KCNN2: variants seen among roughly 807,000 people sequenced by gnomAD.
KCNN2 encodes potassium calcium-activated channel subfamily N member 2.
In KCNN2, 24 loss-of-function variants were observed where a neutral mutation model predicts 55.5. The ratio of observed to expected loss-of-function variants is 0.43; its 90% confidence interval spans 0.31 to 0.61. The LOEUF (loss-of-function observed/expected upper bound fraction) is 0.61, where lower values mean the gene tolerates loss of function less well. Ranked by LOEUF, KCNN2 falls within the 20% of genes least tolerant of loss-of-function variation. The pLI, the probability that KCNN2 is intolerant of heterozygous loss-of-function variation, is 0.08. For missense variants in KCNN2, 754 were observed against 853.6 expected (o/e 0.88, Z 1.45); for synonymous variants, 431 against 336.1 (o/e 1.28, Z -3.09).
chr5:114,184,252 G>T (rs1480489101), intron 1 of KCNN2, among the ~76,000 whole-genome samples: 3 of 152,182 alleles, frequency 2.0e-5, no homozygotes, highest in Admixed American at 1.3e-4. Context: ...GATTAGGACT[G>T]CCCTACAGCA....
intron 1 of KCNN2, among the ~76,000 whole-genome samples, chr5:114,212,574 A>G (rs553406734): frequency 6.6e-6 from 1 of 152,094 alleles, no homozygotes; most frequent in South Asian, 2.1e-4. Flanking sequence ...AAAAGAAAAT[A>G]TGAATCACAT....
chr5:114,146,357 G>A (rs547950382), intron 1 of KCNN2, among the ~76,000 whole-genome samples: 1 of 152,098 alleles, frequency 6.6e-6, no homozygotes, highest in East Asian at 1.9e-4. Flanking sequence ...TTGGCTTTGT[G>A]GGTTATAAGG....
intron 1 of KCNN2, among the ~76,000 whole-genome samples, chr5:114,137,197 C>T (rs1488776013): frequency 6.6e-6 from 1 of 152,020 alleles, no homozygotes; most frequent in African/African-American, 2.4e-5. Context: ...TCATGAAGTC[C>T]CCTTGTTTTA....
At chr5:114,207,632 G>A (rs1300393296) in intron 1 of KCNN2, among the ~76,000 whole-genome samples, 2 of 151,940 alleles carry the variant, frequency 1.3e-5, no homozygotes, top group African/African-American at 4.8e-5. Context: ...TTTTTTTCTT[G>A]TCCTTGAAAG....
At chr5:114,354,940 G>C (rs1338639734) in intron 2 of KCNN2, among the ~76,000 whole-genome samples, 1 of 152,096 alleles carries the variant, frequency 6.6e-6, no homozygotes, top group African/African-American at 2.4e-5. Context: ...CAGTAATCCA[G>C]AATTAAACTC....
intron 1 of KCNN2, among the ~76,000 whole-genome samples, chr5:114,142,553 C>T (rs1044091391): frequency 6.6e-6 from 1 of 152,158 alleles, no homozygotes. Flanking sequence ...GCAAAGATCA[C>T]AGGCATTCTT....
intron 5 of KCNN2, among the ~76,000 whole-genome samples, chr5:114,484,591 T>G (rs1762368938): frequency 6.6e-6 from 1 of 152,206 alleles, no homozygotes; most frequent in Non-Finnish European, 1.5e-5. Flanking sequence ...TTTGACCCTG[T>G]CTTCTCACTG....
At chr5:114,278,431 T>C (rs145377995) in intron 2 of KCNN2, among the ~76,000 whole-genome samples, 241 of 152,350 alleles carry the variant, frequency 1.6e-3, no homozygotes, top group African/African-American at 5.2e-3. Flanking sequence ...TGCTGTCTTT[T>C]GTTCAGATAT....
intron 2 of KCNN2, among the ~76,000 whole-genome samples, chr5:114,397,967 T>C (rs1758670023): frequency 1.3e-5 from 2 of 152,168 alleles, no homozygotes; most frequent in Non-Finnish European, 2.9e-5. Context: ...GTTTTCTTTC[T>C]TTTTATAGGT....
chr5:114,187,885 G>C (rs1342408636), intron 1 of KCNN2, among the ~76,000 whole-genome samples: 1 of 151,070 alleles, frequency 6.6e-6, no homozygotes, highest in Non-Finnish European at 1.5e-5. Context: ...CGCAATCTCG[G>C]CTCACTGCAA....
chr5:114,340,326 T>A (rs1196400574), intron 2 of KCNN2, among the ~76,000 whole-genome samples: 1 of 152,200 alleles, frequency 6.6e-6, no homozygotes, highest in East Asian at 1.9e-4. Context: ...CAATGTATTG[T>A]ACAAATATTT....
rs1019308392 is a variant in KCNN2, at chr5:114,490,946, G to A, written c.2019-2457G>A. ...GTTACCTTTTATTCTGGCAGCTGCA[G>A]CTTAAGCAGGCTTTTTCTATCAGCT... On this transcript the variant is annotated intron_variant, in intron 6 of 7. Coordinates refer to ENST00000673685, the MANE Select transcript of KCNN2 (RefSeq NM_021614.4). Among the ~76,000 whole-genome samples, 3 of 152,124 alleles carry A rather than the reference G, an allele frequency of 2.0e-5. No individual in the cohort carries two copies. In the South Asian group the frequency reaches 6.2e-4, roughly 32 times the overall value.
At chr5:114,202,837 T>C (rs1338041220) in intron 1 of KCNN2, among the ~76,000 whole-genome samples, 1 of 152,100 alleles carries the variant, frequency 6.6e-6, no homozygotes, top group Non-Finnish European at 1.5e-5. Context: ...CTGCCTGCCT[T>C]GGCCTTCCAA....
chr5:114,430,327 G>A (rs1421411688), intron 3 of KCNN2, among the ~76,000 whole-genome samples: 2 of 152,038 alleles, frequency 1.3e-5, no homozygotes, highest in Non-Finnish European at 2.9e-5. Context: ...CATAGAACTT[G>A]TACATACTTT....
At chr5:114,243,997 T>C (rs1290253825) in intron 2 of KCNN2, among the ~76,000 whole-genome samples, 6 of 152,204 alleles carry the variant, frequency 3.9e-5, no homozygotes, top group Admixed American at 3.9e-4. Context: ...GTAAGACAAC[T>C]ACAGTAAATG....
At chr5:114,302,820 G>A (rs139446015) in intron 2 of KCNN2, among the ~76,000 whole-genome samples, 5 of 152,230 alleles carry the variant, frequency 3.3e-5, no homozygotes, top group South Asian at 2.1e-4. Flanking sequence ...GCCATAAGAC[G>A]GCTGAATAAA....
intron 2 of KCNN2, among the ~76,000 whole-genome samples, chr5:114,339,753 A>C (rs1203807870): frequency 6.6e-6 from 1 of 152,104 alleles, no homozygotes; most frequent in Non-Finnish European, 1.5e-5. Flanking sequence ...CTGTGAGCCA[A>C]GACCATGCTA....
chr5:114,346,200 C>A (rs1248332103), intron 2 of KCNN2, among the ~76,000 whole-genome samples: 1 of 152,164 alleles, frequency 6.6e-6, no homozygotes, highest in African/African-American at 2.4e-5. Context: ...TATTAACACT[C>A]ACTCACTATT....
intron 2 of KCNN2, among the ~76,000 whole-genome samples, chr5:114,395,014 C>T (rs1489157062): frequency 6.6e-6 from 1 of 152,126 alleles, no homozygotes; most frequent in Non-Finnish European, 1.5e-5. Flanking sequence ...TTTTAAGCCC[C>T]AGTTTTTTGC....
Sources: allele counts gnomAD v4.1 joint callset (sites outside exome capture counted in the v4.1 genomes callset), GRCh38; gene constraint gnomAD v4.1.1; transcripts MANE v1.5; gene names NCBI Gene and HGNC (gene_info 2026-07-23, HGNC 2026-07-21).